MAD1L1: variants seen among roughly 807,000 people sequenced by gnomAD.
The protein encoded by MAD1L1 is mitotic spindle assembly checkpoint protein MAD1.
Under a neutral mutation model 96.9 loss-of-function variants are expected in MAD1L1, and 95 were observed. The ratio of observed to expected loss-of-function variants is 0.98; its 90% confidence interval spans 0.83 to 1.16. MAD1L1 has a LOEUF of 1.16. Ranked by LOEUF, MAD1L1 falls within the 50% of genes most tolerant of loss-of-function variation. The probability of loss-of-function intolerance (pLI) is 0.00; values close to 1 mark genes in which losing one functional copy is unlikely to be tolerated. For missense variants in MAD1L1, 1,007 were observed against 954.4 expected, an observed-to-expected ratio of 1.06 and a Z score of -0.73; for synonymous variants, 473 against 396.6, an observed-to-expected ratio of 1.19 and a Z score of -2.29.
At chr7:1,898,060 T>C (rs1583696714) in intron 18 of MAD1L1, 140 bp downstream of exon 18, 1 of 892,566 alleles carries the variant, frequency 1.1e-6, no homozygotes, top group South Asian at 1.6e-5. Context: ...GACGGGCCAG[T>C]GCACCTCCTT....
chr7:1,850,693 G>A (rs1207025772), intron 18 of MAD1L1, among the ~76,000 whole-genome samples: 2 of 152,190 alleles, frequency 1.3e-5, no homozygotes, highest in Non-Finnish European at 2.9e-5. Flanking sequence ...GCACCCCAGG[G>A]CACAGGGCTA....
intron 18 of MAD1L1, among the ~76,000 whole-genome samples, chr7:1,853,252 G>A (rs909829968): frequency 1.3e-5 from 2 of 152,146 alleles, no homozygotes; most frequent in South Asian, 2.1e-4. Context: ...GCCACCTCAC[G>A]GGACTGCCCT....
At chr7:1,890,081 C>G (rs1252967921) in intron 18 of MAD1L1, among the ~76,000 whole-genome samples, 1 of 152,236 alleles carries the variant, frequency 6.6e-6, no homozygotes, top group Non-Finnish European at 1.5e-5. Flanking sequence ...GGAATCATCT[C>G]CTGGGAGGGG....
chr7:1,980,130 G>A (rs573224380), intron 15 of MAD1L1, among the ~76,000 whole-genome samples: 17 of 152,260 alleles, frequency 1.1e-4, no homozygotes, highest in South Asian at 2.1e-4. Flanking sequence ...GGAGGCTGCC[G>A]GTGGACGTGT....
intron 17 of MAD1L1, among the ~76,000 whole-genome samples, chr7:1,934,637 G>A (rs771720608): frequency 2.0e-5 from 3 of 149,704 alleles, no homozygotes; most frequent in Admixed American, 6.6e-5. Flanking sequence ...GGGCGAACCC[G>A]AGACAGGCAG....
intron 17 of MAD1L1, among the ~76,000 whole-genome samples, chr7:1,909,348 G>A (rs570130075): frequency 5.5e-4 from 84 of 152,288 alleles, no homozygotes; most frequent in Non-Finnish European, 9.4e-4. Flanking sequence ...CAGGCTTCCC[G>A]GGACTGAATT....
chr7:1,976,272 G>C (rs1441015195), intron 15 of MAD1L1, among the ~76,000 whole-genome samples: 2 of 152,256 alleles, frequency 1.3e-5, no homozygotes, highest in African/African-American at 4.8e-5. Flanking sequence ...CCCTCATGGT[G>C]AGTGTTACAG....
intron 12 of MAD1L1, among the ~76,000 whole-genome samples, chr7:2,061,555 C>T (rs1784661354): frequency 1.3e-5 from 2 of 152,064 alleles, no homozygotes; most frequent in African/African-American, 4.8e-5. Flanking sequence ...AGGTGAGGAC[C>T]CGGAGGGACC....
intron 17 of MAD1L1, among the ~76,000 whole-genome samples, chr7:1,927,037 GT>G (rs1368525212): frequency 6.6e-6 from 1 of 152,158 alleles, no homozygotes; most frequent in African/African-American, 2.4e-5. Flanking sequence ...AAGGTCATGG[GT>G]TACAAAGCCA....
At chr7:2,082,982 G>A (rs780399138) in intron 11 of MAD1L1, among the ~76,000 whole-genome samples, 9 of 152,148 alleles carry the variant, frequency 5.9e-5, no homozygotes, top group African/African-American at 1.9e-4. Context: ...GCTGTCTCTC[G>A]CGCTGCAGGG....
intron 14 of MAD1L1, among the ~76,000 whole-genome samples, 200 bp downstream of exon 14, chr7:2,001,865 G>T (rs939940): frequency 3.9e-5 from 6 of 152,362 alleles, no homozygotes; most frequent in East Asian, 1.9e-4. Context: ...TGTGCTCCCC[G>T]CCGGCGCATG....
intron 11 of MAD1L1, among the ~76,000 whole-genome samples, chr7:2,133,928 T>C (rs572930759): frequency 1.3e-4 from 20 of 152,362 alleles, no homozygotes; most frequent in African/African-American, 4.8e-4. Flanking sequence ...CGCACCACCT[T>C]GATCACTGTG....
At chr7:1,825,484 C>T (rs186543731) in intron 18 of MAD1L1, among the ~76,000 whole-genome samples, 4 of 152,376 alleles carry the variant, frequency 2.6e-5, no homozygotes, top group East Asian at 3.9e-4. Context: ...CAGCAGAGTC[C>T]GCTGAGGCTA....
At chr7:2,151,354 G>C (rs564369444) in intron 10 of MAD1L1, among the ~76,000 whole-genome samples, 1,530 of 152,328 alleles carry the variant, frequency 0.01, 21 homozygotes, top group African/African-American at 0.035. Context: ...CAGGCTACAG[G>C]CTCCACCTAC....
chr7:1,974,541 C>T (rs938077121), intron 15 of MAD1L1, among the ~76,000 whole-genome samples: 23 of 151,898 alleles, frequency 1.5e-4, no homozygotes, highest in African/African-American at 4.8e-4. Context: ...TCTCAGGAAA[C>T]GAAGAGTATA....
chr7:2,079,974 G>A (rs186097617), intron 11 of MAD1L1: 51 of 331,054 alleles, frequency 1.5e-4, no homozygotes, highest in South Asian at 3.1e-4. Flanking sequence ...CACATCTACC[G>A]TCTCCCGAGG....
intron 18 of MAD1L1, chr7:1,846,222 C>G (rs983544629): frequency 1.3e-5 from 2 of 152,566 alleles, no homozygotes; most frequent in Non-Finnish European, 2.9e-5. Context: ...GGCTGGTCAG[C>G]AGCACAGGCC....
chr7:2,024,919 A>G (rs568841705), intron 12 of MAD1L1, among the ~76,000 whole-genome samples: 2 of 152,390 alleles, frequency 1.3e-5, no homozygotes, highest in African/African-American at 4.8e-5. Context: ...CTTCCAGAGA[A>G]TAGAAGCAAA....
intron 18 of MAD1L1, chr7:1,829,347 C>G (rs1782588471): frequency 1.3e-5 from 2 of 152,292 alleles, no homozygotes; most frequent in South Asian, 4.1e-4. Flanking sequence ...GAGCTCTGAC[C>G]CGCCAGCTGC....
Sources: allele counts gnomAD v4.1 joint callset (sites outside exome capture counted in the v4.1 genomes callset), GRCh38; gene constraint gnomAD v4.1.1; transcripts MANE v1.5; gene names NCBI Gene and HGNC (gene_info 2026-07-23, HGNC 2026-07-21).